Variants in ZUP1 observed in about 807,000 individuals in gnomAD.
The protein encoded by ZUP1 is zinc finger-containing ubiquitin peptidase 1.
Under a neutral mutation model 68.1 loss-of-function variants are expected in ZUP1, and 55 were observed. The ratio of observed to expected loss-of-function variants is 0.81; its 90% CI spans 0.65 to 1.01. ZUP1 has a LOEUF of 1.01. Ranked by LOEUF, ZUP1 falls within the 50% of genes least tolerant of loss-of-function variation. The pLI, the probability that ZUP1 is intolerant of heterozygous loss-of-function variation, is 0.00. For missense variants in ZUP1, 684 were observed against 674.9 expected (o/e 1.01, Z -0.15); for synonymous variants, 223 against 221.5 (o/e 1.01, Z -0.06).
At position 116,647,461 on chromosome 6, in the gene ZUP1, T is replaced by C. The variant is rs1448783101; in HGVS notation, c.1466A>G (p.Gln489Arg). The C allele has an allele frequency of 6.4e-7, 1 of 1,559,196 alleles. No individual in the cohort carries two copies. Among genetic ancestry groups the C allele is most frequent in the Non-Finnish European group, 8.7e-7 (1 of 1,146,292 alleles). Residue 489 changes from glutamine to arginine, a missense_variant and splice_region_variant, in exon 8 of 10, where the codon CAA (glutamine) becomes CGA (arginine). Coordinates refer to ENST00000368576, the MANE Select transcript of ZUP1 (RefSeq NM_145062.3). ...ATATGAGTTATATTAATACTAACCT[T>C]GATGCTGAAGATAGATAGGAGGTTT... is the stretch of plus-strand genomic sequence containing the variant. ...TSKPPIYLQHQGHSRTVIGIE... is the reference protein window; with the variant it reads ...TSKPPIYLQHRGHSRTVIGIE...
At chr6:116,639,012 G>C (rs1366452743) in intron 9 of ZUP1, among the ~76,000 whole-genome samples, 2 of 152,246 alleles carry the variant, frequency 1.3e-5, no homozygotes, top group Admixed American at 6.5e-5. Context: ...ACAGGCTTAG[G>C]AAACGGCGCA....
In ZUP1 at chr6:116,666,993, G is replaced by GTAA. The variant is rs766296104; in HGVS notation, c.199_200insTTA (p.Asn66_Thr67insIle). 3 of 1,613,666 alleles carry GTAA rather than the reference G, an allele frequency of 1.9e-6. No homozygotes were observed. The South Asian group carries it at 3.3e-5, about 18-fold the overall frequency. On this transcript the variant is annotated inframe_insertion, in exon 2 of 10. Transcript: ENST00000368576. ...GTTATCTGAAGTTCCATATTGTACTGTATTTATCCTCTCAAAGTTTCTTTC... is the reference window on the plus strand; with the variant it reads ...GTTATCTGAAGTTCCATATTGTACTGTAATATTTATCCTCTCAAAGTTTCTTTC...
At chr6:116,652,249 T>TA in intron 5 of ZUP1, 57 bp from the exon 6 acceptor site, 1 of 1,379,576 alleles carries the variant, frequency 7.2e-7, no homozygotes, top group Non-Finnish European at 1.0e-6. Context: ...TGCTATCTCA[T>TA]ACATTTTTAA....
intron 9 of ZUP1, among the ~76,000 whole-genome samples, chr6:116,645,453 T>C (rs1776261071): frequency 6.6e-6 from 1 of 151,576 alleles, no homozygotes; most frequent in South Asian, 2.1e-4. Flanking sequence ...TGGTGGCATG[T>C]GCCTGTAGTC....
At chr6:116,655,876 A>G (rs778529128) in intron 5 of ZUP1, among the ~76,000 whole-genome samples, 35 of 152,236 alleles carry the variant, frequency 2.3e-4, no homozygotes, top group Non-Finnish European at 4.1e-4. Context: ...ATTTGTGGCT[A>G]TCGAGAATTT....
intron 7 of ZUP1, among the ~76,000 whole-genome samples, chr6:116,651,238 T>C (rs1021819414): frequency 6.6e-6 from 1 of 152,218 alleles, no homozygotes; most frequent in Admixed American, 6.5e-5. Context: ...ATGTAAACTC[T>C]GATTTTAATA....
chr6:116,648,670 C>G (rs1776387803), intron 7 of ZUP1, among the ~76,000 whole-genome samples: 2 of 151,938 alleles, frequency 1.3e-5, no homozygotes, highest in African/African-American at 4.8e-5. Context: ...AGAAGCTGGA[C>G]AAAAATTACG....
chr6:116,648,832 T>C (rs745916024), intron 7 of ZUP1, among the ~76,000 whole-genome samples: 1 of 151,444 alleles, frequency 6.6e-6, no homozygotes, highest in East Asian at 1.9e-4. Context: ...TAGCCAGGCA[T>C]GGTGGCACAT....
chr6:116,668,524 C>T (rs999601902), intron 1 of ZUP1, 42 bp downstream of exon 1: 2 of 152,410 alleles, frequency 1.3e-5, no homozygotes, highest in African/African-American at 4.8e-5. Flanking sequence ...TGGGTCAAAG[C>T]TTTGGGCCTG....
At chr6:116,663,067 G>A (rs975613509) in intron 2 of ZUP1, among the ~76,000 whole-genome samples, 4 of 151,758 alleles carry the variant, frequency 2.6e-5, no homozygotes, top group South Asian at 2.1e-4. Context: ...TTTACCAACC[G>A]AATGACAAAA....
Position 116,645,788 on chromosome 6 carries a change from AT to A in ZUP1, c.1614del (p.Lys538AsnfsTer6), listed in dbSNP as rs777073232. Reference protein sequence around the residue: ...IEASSLKQLRKSMGNLKHKQY... With the variant: ...IEASSLKQLRXSMGNLKHKQY... ...TGCTTATGTTTTAAATTTCCCATAG[AT>A]TTCCGAAGTTGCTTGAGACTGCTAG... On this transcript the variant is annotated frameshift_variant, in exon 9 of 10. Transcript: ENST00000368576. LOFTEE classifies it high-confidence loss of function. The A allele has an allele frequency of 3.7e-6, 6 of 1,613,722 alleles. No individual in the cohort carries two copies. The African/African-American group carries it at 8.0e-5, about 22-fold the overall frequency.
rs74436158 is a variant in ZUP1 at position 116,657,201 on chromosome 6, C to T, written c.793-349G>A. Among the ~76,000 whole-genome samples, 610 of 152,224 alleles carry T rather than the reference C, an allele frequency of 4.0e-3. 3 individuals are homozygous for T. Among genetic ancestry groups the T allele is most frequent in the African/African-American group, 0.014 (591 of 41,538 alleles). On this transcript the variant is annotated intron_variant, in intron 4 of 9. Coordinates refer to ENST00000368576, the MANE Select transcript of ZUP1 (RefSeq NM_145062.3). ...ATTTTTTCAAGGAAACTTGTCAGTC[C>T]TTGTTATTTGGTTCCCAGTCTAGTC...
At chr6:116,639,792 C>CA (rs1239690456) in intron 9 of ZUP1, among the ~76,000 whole-genome samples, 2 of 152,216 alleles carry the variant, frequency 1.3e-5, no homozygotes, top group African/African-American at 4.8e-5. Flanking sequence ...TCTCCTCCTC[C>CA]AAAGGAACGC....
chr6:116,660,762 T>C lies in ZUP1; in HGVS notation c.644A>G (p.His215Arg). 3.7e-6 allele frequency: 6 copies of C among 1,605,600 alleles called. No homozygotes were observed. The highest frequency in any genetic ancestry group is 5.1e-6 in the Non-Finnish European group (6 of 1,174,912). Residue 215 changes from histidine (H) to arginine (R), a missense_variant, in exon 3 of 10, where the codon CAT becomes CGT. His to Arg is a conservative substitution (Grantham distance 29). Coordinates refer to ENST00000368576, the MANE Select transcript of ZUP1 (RefSeq NM_145062.3). The part of the protein sequence containing the change: ...YHILQEHVDL[H>R]LEENSFQQGM... Reference sequence around the variant, plus strand: ...TTGCTGAAAGCTGTTTTCTTCCAAATGCAAGTCAACATGTTCCTGAAGAAT... The same window carrying C: ...TTGCTGAAAGCTGTTTTCTTCCAAACGCAAGTCAACATGTTCCTGAAGAAT...
At chr6:116,646,299 G>A (rs543024236) in intron 8 of ZUP1, 1 of 168,308 alleles carries the variant, frequency 5.9e-6, no homozygotes, top group Non-Finnish European at 1.3e-5. Context: ...ACCCATAAAT[G>A]CTAGAATATC....
intron 7 of ZUP1, among the ~76,000 whole-genome samples, chr6:116,649,652 G>A (rs1405705041): frequency 1.3e-5 from 2 of 152,164 alleles, no homozygotes; most frequent in African/African-American, 4.8e-5. Context: ...GTAAGAGAGT[G>A]AAAAACTCTT....
intron 9 of ZUP1, 64 bp from the exon 10 acceptor site, chr6:116,635,943 C>A: frequency 1.9e-6 from 2 of 1,070,574 alleles, no homozygotes; most frequent in South Asian, 2.0e-5. Flanking sequence ...TATGTGTTGT[C>A]ATTCTAATGT....
intron 9 of ZUP1, among the ~76,000 whole-genome samples, chr6:116,636,536 A>C (rs182066288): frequency 6.6e-6 from 1 of 152,312 alleles, no homozygotes; most frequent in East Asian, 1.9e-4. Flanking sequence ...TTTCACCTAA[A>C]CAATTGCTCC....
intron 7 of ZUP1, among the ~76,000 whole-genome samples, chr6:116,649,392 C>T (rs1044613135): frequency 6.6e-5 from 10 of 151,120 alleles, no homozygotes; most frequent in African/African-American, 2.4e-4. Flanking sequence ...ATTTAAACAC[C>T]CAAGGACAAA....
Sources: allele counts gnomAD v4.1 joint callset (sites outside exome capture counted in the v4.1 genomes callset), GRCh38; gene constraint gnomAD v4.1.1; transcripts MANE v1.5; gene names NCBI Gene and HGNC (gene_info 2026-07-23, HGNC 2026-07-21).